RIMS1: variants seen among roughly 807,000 people sequenced by gnomAD.
The protein encoded by RIMS1 is regulating synaptic membrane exocytosis protein 1.
Under a neutral mutation model 214.1 loss-of-function variants are expected in RIMS1, and 83 were observed. That is an observed-to-expected ratio of 0.39 (90% confidence interval 0.32 to 0.47). The LOEUF (loss-of-function observed/expected upper bound fraction) is 0.47, where lower values mean the gene tolerates loss of function less well. Ranked by LOEUF, RIMS1 falls within the 20% of genes least tolerant of loss-of-function variation. The pLI is 0.99. For synonymous variants in RIMS1, 793 were observed against 786.8 expected, an observed-to-expected ratio of 1.01 and a Z score of -0.13; for missense variants, 2,050 against 2,161.8, an observed-to-expected ratio of 0.95 and a Z score of 1.03.
chr6:72,213,118 C>T, intron 6 of RIMS1: 1 of 1,536,750 alleles, frequency 6.5e-7, no homozygotes. Context: ...TCCAAGTTTG[C>T]TGTCATGTGT....
At chr6:71,900,960 C>G (rs1374649579) in intron 1 of RIMS1, among the ~76,000 whole-genome samples, 6 of 151,858 alleles carry the variant, frequency 4.0e-5, no homozygotes, top group Non-Finnish European at 8.8e-5. Context: ...GGACAATAGC[C>G]CTGCAAAAGC....
chr6:71,903,215 C>T lies in RIMS1; in HGVS notation c.164+16028C>T, dbSNP rs556811969. Among the ~76,000 whole-genome samples the T allele has an allele frequency of 2.0e-5, 3 of 152,226 alleles. No homozygotes were observed. In the South Asian group the frequency reaches 6.2e-4, roughly 32 times the overall value. On this transcript the variant is annotated intron_variant, in intron 1 of 33. Coordinates refer to ENST00000521978, the MANE Select transcript of RIMS1 (RefSeq NM_014989.7). Reference sequence around the variant, plus strand: ...TTGTTTCTTGACTTTTCAATAATCGCCATTCTGACTGGCGTGAGGTGGTAT... The same window carrying T: ...TTGTTTCTTGACTTTTCAATAATCGTCATTCTGACTGGCGTGAGGTGGTAT...
chr6:72,007,643 C>A (rs1035951180), intron 2 of RIMS1, among the ~76,000 whole-genome samples: 1 of 152,170 alleles, frequency 6.6e-6, no homozygotes, highest in African/African-American at 2.4e-5. Flanking sequence ...CCTGATGGAG[C>A]TGAAAACCAT....
chr6:72,231,611 T>G (rs1165212857), intron 6 of RIMS1, among the ~76,000 whole-genome samples: 1 of 151,668 alleles, frequency 6.6e-6, no homozygotes, highest in Non-Finnish European at 1.5e-5. Flanking sequence ...ACAGACTATG[T>G]GTAATATTTA....
chr6:72,043,599 C>A (rs913982756), intron 2 of RIMS1, among the ~76,000 whole-genome samples: 2 of 148,426 alleles, frequency 1.3e-5, no homozygotes, highest in Admixed American at 6.7e-5. Context: ...TGAGTGTGTT[C>A]CTTTGAGAAC....
At chr6:72,226,514 A>T (rs1209447542) in intron 6 of RIMS1, among the ~76,000 whole-genome samples, 1 of 152,022 alleles carries the variant, frequency 6.6e-6, no homozygotes, top group Non-Finnish European at 1.5e-5. Flanking sequence ...ACTACCATCA[A>T]TCCTGCTATT....
chr6:72,280,968 G>A lies in RIMS1; in HGVS notation c.3483-3079G>A, dbSNP rs191256252. ...GCAAAACCTGTGTGTGTGTGCAGTG[G>A]TAGTGGTATTATTGCCACTTTTTAG... On this transcript the variant is annotated intron_variant, in intron 23 of 33. Transcript: ENST00000521978. Among the ~76,000 whole-genome samples, 20 of 152,190 alleles carry A rather than the reference G, an allele frequency of 1.3e-4. 1 individual carries two copies. The South Asian group carries it at 3.9e-3, about 30-fold the overall frequency.
At chr6:72,386,600 GC>G (rs1165876406) in intron 29 of RIMS1, among the ~76,000 whole-genome samples, 2 of 151,932 alleles carry the variant, frequency 1.3e-5, no homozygotes, top group Non-Finnish European at 2.9e-5. Flanking sequence ...ACTTCCCCCT[GC>G]CCTGCTTAAT....
chr6:72,090,975 G>C (rs759916839), intron 2 of RIMS1, among the ~76,000 whole-genome samples: 4 of 152,162 alleles, frequency 2.6e-5, no homozygotes, highest in Non-Finnish European at 5.9e-5. Flanking sequence ...AGGACTTGGT[G>C]GTGCCCATGT....
At chr6:72,143,413 G>C (rs992281584) in intron 4 of RIMS1, among the ~76,000 whole-genome samples, 2 of 152,142 alleles carry the variant, frequency 1.3e-5, no homozygotes, top group Non-Finnish European at 2.9e-5. Flanking sequence ...ATCATAAAGA[G>C]AGTCCAAAGC....
At chr6:71,964,178 T>C (rs949886197) in intron 1 of RIMS1, among the ~76,000 whole-genome samples, 1 of 151,968 alleles carries the variant, frequency 6.6e-6, no homozygotes. Context: ...AAGTAAGGGG[T>C]TTAGTCATAC....
chr6:71,940,558 G>A (rs983781013), intron 1 of RIMS1, among the ~76,000 whole-genome samples: 1 of 152,302 alleles, frequency 6.6e-6, no homozygotes, highest in African/African-American at 2.4e-5. Context: ...AGTTAAATGG[G>A]CAAGGAAGAC....
In RIMS1 at chr6:72,393,765, C is replaced by T. The variant is rs563179051; in HGVS notation, c.4618+955C>T. On this transcript the variant is annotated intron_variant, in intron 31 of 33. Transcript: ENST00000521978. ...AAAATCAGATTCTCATTGAGCTCTT[C>T]GTATTTTCATTGGATTCTTCAATAT... Among the ~76,000 whole-genome samples the T allele has an allele frequency of 3.3e-5, 5 of 151,972 alleles. No individual in the cohort carries two copies. The East Asian group carries it at 5.8e-4, about 18-fold the overall frequency.
At chr6:72,016,964 A>G (rs897645066) in intron 2 of RIMS1, among the ~76,000 whole-genome samples, 3 of 152,208 alleles carry the variant, frequency 2.0e-5, no homozygotes, top group African/African-American at 7.2e-5. Flanking sequence ...TGGTGAGGAA[A>G]TGGTAATGTG....
intron 6 of RIMS1, among the ~76,000 whole-genome samples, chr6:72,220,541 G>A (rs1340005193): frequency 1.3e-5 from 2 of 151,936 alleles, no homozygotes; most frequent in Non-Finnish European, 2.9e-5. Flanking sequence ...CTCATCTATG[G>A]TTAGTGGATA....
intron 1 of RIMS1, among the ~76,000 whole-genome samples, chr6:71,966,823 A>C (rs1005030614): frequency 1.3e-4 from 19 of 148,082 alleles, no homozygotes; most frequent in Admixed American, 4.8e-4. Context: ...TGCCCAGCAG[A>C]TAGGGCCTTT....
intron 6 of RIMS1, among the ~76,000 whole-genome samples, chr6:72,227,866 A>G (rs2060686711): frequency 6.6e-6 from 1 of 152,002 alleles, no homozygotes; most frequent in African/African-American, 2.4e-5. Flanking sequence ...GAATTATCAA[A>G]GTTACATATC....
At chr6:72,331,889 G>A (rs2154339365) in intron 28 of RIMS1, among the ~76,000 whole-genome samples, 1 of 151,898 alleles carries the variant, frequency 6.6e-6, no homozygotes, top group South Asian at 2.1e-4. Context: ...ATGCAGCTAA[G>A]TATTAAAAAT....
At chr6:72,057,648 C>G (rs1172348906) in intron 2 of RIMS1, among the ~76,000 whole-genome samples, 1 of 151,996 alleles carries the variant, frequency 6.6e-6, no homozygotes, top group Admixed American at 6.6e-5. Flanking sequence ...GCTGGGACTA[C>G]AGGCGCCCGC....
Sources: gnomAD v4.1 joint callset for allele counts (sites outside exome capture counted in the v4.1 genomes callset) on GRCh38, gnomAD v4.1.1 for gene constraint, MANE v1.5 for transcripts, NCBI Gene and HGNC (gene_info 2026-07-23, HGNC 2026-07-21) for gene names.